Variants in USP43 observed in about 807,000 individuals in gnomAD.
USP43 encodes the protein ubiquitin carboxyl-terminal hydrolase 43.
A neutral mutation model predicts 90.7 loss-of-function variants in USP43; 33 were observed. The observed-to-expected ratio is 0.36, with a 90% CI of 0.28 to 0.49. USP43 has a LOEUF of 0.49. Ranked by LOEUF, USP43 falls within the 20% of genes least tolerant of loss-of-function variation. USP43 has a pLI of 0.98. For synonymous variants in USP43, 598 were observed against 615.8 expected (o/e 0.97, Z 0.43); for missense variants, 1,274 against 1,476.4 (o/e 0.86, Z 2.25).
chr17:9,713,058 A>AT (rs1398582838), intron 14 of USP43, among the ~76,000 whole-genome samples: 1 of 152,082 alleles, frequency 6.6e-6, no homozygotes, highest in African/African-American at 2.4e-5. Context: ...TTCCTGTGCT[A>AT]TTAAACATGA....
At chr17:9,653,479 T>G (rs1912015711) in intron 1 of USP43, among the ~76,000 whole-genome samples, 1 of 152,006 alleles carries the variant, frequency 6.6e-6, no homozygotes. Context: ...TCCCAGCTAC[T>G]CAGGGGGCTG....
intron 7 of USP43, among the ~76,000 whole-genome samples, chr17:9,683,369 A>G (rs1914414728): frequency 1.3e-5 from 2 of 150,866 alleles, no homozygotes; most frequent in Non-Finnish European, 2.9e-5. Context: ...TAACAAATAT[A>G]CAAAAACAGA....
At chr17:9,670,183 C>T (rs142938882) in intron 3 of USP43, among the ~76,000 whole-genome samples, 377 of 152,066 alleles carry the variant, frequency 2.5e-3, no homozygotes, top group African/African-American at 8.3e-3. Context: ...GGACTACAGG[C>T]GTGTGCCACC....
rs371512284 is a variant in USP43 at position 9,705,651 on chromosome 17, G to A, written c.2011+3951G>A. On this transcript the variant is annotated intron_variant, in intron 12 of 14. Coordinates refer to ENST00000285199, the MANE Select transcript of USP43 (RefSeq NM_153210.5). Reference sequence around the variant, plus strand: ...GTGCCTGTAGTTCCAGCTACTCGGGGGGCTGAGGCAGGAGAACTGCTTGAA... The same window carrying A: ...GTGCCTGTAGTTCCAGCTACTCGGGAGGCTGAGGCAGGAGAACTGCTTGAA... 8.6e-5 allele frequency among the ~76,000 whole-genome samples: 13 copies of A among 151,490 alleles called. No homozygotes were observed. The East Asian group carries it at 1.4e-3, about 16-fold the overall frequency.
At chr17:9,700,339 T>C (rs772301461) in intron 10 of USP43, 90 bp downstream of exon 10, 1 of 1,305,596 alleles carries the variant, frequency 7.7e-7, no homozygotes, top group Non-Finnish European at 1.1e-6. Flanking sequence ...CCAGCACGGC[T>C]GCAGGCAGGG....
rs1167826274 is a variant in USP43, at chr17:9,673,765, C to T, written c.741-1126C>T. Among the ~76,000 whole-genome samples the T allele has an allele frequency of 3.3e-5, 5 of 152,288 alleles. No homozygotes were observed. The East Asian group carries it at 9.6e-4, about 29-fold the overall frequency. ...CTTAACCTCTGTGTGCTTCAGATTT[C>T]TCTTCTGTAAAATGTGTATAATATC... On this transcript the variant is annotated intron_variant, in intron 3 of 14. Transcript: ENST00000285199.
Position 9,645,730 on chromosome 17 carries a change from TG to T in USP43, c.100del (p.Ala34ArgfsTer70). 1 of 1,366,184 alleles carries T rather than the reference TG, an allele frequency of 7.3e-7. No homozygotes were observed. The highest frequency in any genetic ancestry group is 1.8e-5 in the South Asian group (1 of 56,966). 84.6% of individuals were successfully genotyped at this position (1,366,184 alleles called of 1,614,324 possible). ...CGCCGCCTGTTCAGCCGCTTCCTGC[TG>T]GCGCTGGGCAGCCGCTCACGCCCCG... ...SLRRLFSRFLLALGSRSRPGD... is the reference protein window; with the variant it reads ...SLRRLFSRFLXALGSRSRPGD... On this transcript the variant is annotated frameshift_variant, in exon 1 of 15. Coordinates refer to ENST00000285199, the MANE Select transcript of USP43 (RefSeq NM_153210.5). LOFTEE classifies it high-confidence loss of function. This position sits in a 1 kb window ranked among gnomAD's most constrained non-coding sequence, Gnocchi z 6.8.
chr17:9,673,072 G>A (rs1412852933), intron 3 of USP43, among the ~76,000 whole-genome samples: 2 of 152,154 alleles, frequency 1.3e-5, no homozygotes, highest in African/African-American at 4.8e-5. Flanking sequence ...CTGCCAGGGC[G>A]GTCTTGTTCT....
intron 9 of USP43, among the ~76,000 whole-genome samples, chr17:9,696,334 G>T (rs966527833): frequency 6.6e-6 from 1 of 151,952 alleles, no homozygotes; most frequent in South Asian, 2.1e-4. Flanking sequence ...GGGTTTCACC[G>T]TGTTGCCCAG....
rs368059492 is a variant in USP43, at chr17:9,729,193, C to A, written c.*203C>A. ...ATATAACCCAAGGTCGAAAACCTTC[C>A]TGCATCATTGGGTGCTTTGCTACAG... On this transcript the variant is annotated 3_prime_UTR_variant, in exon 15 of 15. Coordinates refer to ENST00000285199, the MANE Select transcript of USP43 (RefSeq NM_153210.5). The A allele has an allele frequency of 3.1e-4, 126 of 411,054 alleles. No individual in the cohort carries two copies. Among genetic ancestry groups the A allele is most frequent in the Admixed American group, 3.1e-3 (71 of 23,224 alleles). The allele number at this position is 411,054 out of a possible 1,614,324, so 25.5% of individuals were successfully genotyped here.
chr17:9,694,654 G>A (rs79201486), intron 9 of USP43, among the ~76,000 whole-genome samples: 3,068 of 150,982 alleles, frequency 0.02, 103 homozygotes, highest in African/African-American at 0.071. Flanking sequence ...ATGGAGTCTC[G>A]CTTTGTCTTC....
At chr17:9,706,862 C>G (rs1915913767) in intron 12 of USP43, among the ~76,000 whole-genome samples, 1 of 151,848 alleles carries the variant, frequency 6.6e-6, no homozygotes, top group African/African-American at 2.4e-5. Flanking sequence ...CCAGGCTGGT[C>G]TTGAACTCCT....
intron 1 of USP43, among the ~76,000 whole-genome samples, chr17:9,646,753 T>C (rs1334926040): frequency 6.6e-6 from 1 of 152,184 alleles, no homozygotes; most frequent in Non-Finnish European, 1.5e-5. Context: ...GATTTTATTC[T>C]AAGCCCAGTG....
intron 5 of USP43, among the ~76,000 whole-genome samples, chr17:9,677,581 T>G (rs1913867322): frequency 6.6e-6 from 1 of 152,240 alleles, no homozygotes; most frequent in South Asian, 2.1e-4. Flanking sequence ...TCATGAGGAA[T>G]AGGGAGGAGG....
chr17:9,652,421 G>A (rs1911936330), intron 1 of USP43, among the ~76,000 whole-genome samples: 1 of 151,542 alleles, frequency 6.6e-6, no homozygotes, highest in Admixed American at 6.6e-5. Context: ...GAGTGCAGTG[G>A]CACCATCTCG....
At chr17:9,711,248 C>CTTTATTA (rs1251766972) in intron 13 of USP43, among the ~76,000 whole-genome samples, 7 of 152,076 alleles carry the variant, frequency 4.6e-5, no homozygotes, top group African/African-American at 1.7e-4. Context: ...CATGCTGGGG[C>CTTTATTA]CCTGGTACTG....
intron 9 of USP43, among the ~76,000 whole-genome samples, chr17:9,695,010 G>A (rs1223713788): frequency 6.6e-6 from 1 of 152,182 alleles, no homozygotes; most frequent in Non-Finnish European, 1.5e-5. Context: ...AGTTTGAGAA[G>A]CGCTAGAATT....
At chr17:9,678,847 T>C (rs1398007979) in intron 5 of USP43, among the ~76,000 whole-genome samples, 2 of 151,922 alleles carry the variant, frequency 1.3e-5, no homozygotes, top group Non-Finnish European at 2.9e-5. Context: ...TTCATGTACA[T>C]GTCAATATGT....
chr17:9,713,324 C>T lies in USP43; in HGVS notation c.2335+1192C>T, dbSNP rs375746244. ...GGCTGATCTCAAACTCCTGACCTCA[C>T]GTGATCTGCCTGCCTCGGCCTCCCA... On this transcript the variant is annotated intron_variant, in intron 14 of 14. Coordinates refer to ENST00000285199, the MANE Select transcript of USP43 (RefSeq NM_153210.5). 2.6e-5 allele frequency among the ~76,000 whole-genome samples: 4 copies of T among 152,002 alleles called. No individual in the cohort carries two copies. The South Asian group carries it at 6.2e-4, about 24-fold the overall frequency.
Sources: allele counts gnomAD v4.1 joint callset (sites outside exome capture counted in the v4.1 genomes callset), GRCh38; gene constraint gnomAD v4.1.1; non-coding constraint Gnocchi (gnomAD v3.1); transcripts MANE v1.5; gene names NCBI Gene and HGNC (gene_info 2026-07-23, HGNC 2026-07-21).